TTC39B: variants seen among roughly 807,000 people sequenced by gnomAD.
TTC39B encodes tetratricopeptide repeat domain 39B.
In TTC39B, 92 loss-of-function variants were observed where a neutral mutation model predicts 96.6. The ratio of observed to expected loss-of-function variants is 0.95; its 90% CI spans 0.80 to 1.13. The LOEUF is 1.13. Among genes scored for constraint, TTC39B ranks in the 50% most tolerant of loss-of-function variants. TTC39B has a pLI of 0.00. For missense variants in TTC39B, 955 were observed against 809.3 expected (o/e 1.18, Z -2.18); for synonymous variants, 367 against 299.4 (o/e 1.23, Z -2.33).
chr9:15,250,308 G>C lies in TTC39B; in HGVS notation c.275+17606C>G, dbSNP rs148697967. ...CACTGTTTAATTATCTAGAGAAACA[G>C]GCAAGGAACATACAAATGGCCTGGA... On this transcript the variant is annotated intron_variant, in intron 2 of 19. Coordinates refer to ENST00000512701, the Ensembl canonical transcript of TTC39B. The C allele has an allele frequency of 8.7e-5, 63 of 726,820 alleles. No individual in the cohort carries two copies. In the African/African-American group the frequency reaches 1.2e-3, roughly 13 times the overall value. 45.0% of individuals were successfully genotyped at this position (726,820 alleles called of 1,614,324 possible).
chr9:15,198,478 ATATATATATC>A (rs1819320041), intron 8 of TTC39B, among the ~76,000 whole-genome samples: 3 of 148,206 alleles, frequency 2.0e-5, no homozygotes, highest in African/African-American at 7.5e-5. Flanking sequence ...ATATATATAT[ATATATATATC>A]ATAAAGGGCA....
intron 3 of TTC39B, 68 bp from the exon 4 acceptor site, chr9:15,214,317 T>G: frequency 3.7e-6 from 1 of 268,228 alleles, no homozygotes; most frequent in South Asian, 5.2e-5. Context: ...CCGAAGGGAG[T>G]GTGTGTGTGT....
chr9:15,213,815 C>G (rs1025061982), intron 4 of TTC39B, among the ~76,000 whole-genome samples: 1 of 152,076 alleles, frequency 6.6e-6, no homozygotes, highest in Admixed American at 6.6e-5. Flanking sequence ...GGAAAATTTT[C>G]TCAATAATAT....
chr9:15,233,139 C>G (rs1005447000), intron 2 of TTC39B, among the ~76,000 whole-genome samples: 14 of 152,224 alleles, frequency 9.2e-5, no homozygotes, highest in African/African-American at 3.4e-4. Flanking sequence ...AGGGTGTAGC[C>G]CTGGCGAGAA....
At chr9:15,293,939 T>C (rs914533020) in intron 1 of TTC39B, among the ~76,000 whole-genome samples, 2 of 152,170 alleles carry the variant, frequency 1.3e-5, no homozygotes, top group African/African-American at 4.8e-5. Context: ...GCACGTCACT[T>C]TCCTTTCTCT....
At chr9:15,189,695 G>A in intron 12 of TTC39B, 30 bp downstream of exon 12, 3 of 1,614,010 alleles carry the variant, frequency 1.9e-6, no homozygotes, top group Non-Finnish European at 2.5e-6. Context: ...AATTATGGTT[G>A]AAACATACAC....
chr9:15,279,882 T>TTTTTC (rs1382203995), intron 1 of TTC39B, among the ~76,000 whole-genome samples: 3 of 149,686 alleles, frequency 2.0e-5, no homozygotes, highest in Non-Finnish European at 4.4e-5. Context: ...TAAAGTACTT[T>TTTTTC]TTTTCTTTTC....
Position 15,203,866 on chromosome 9 carries a change from T to G in TTC39B, c.716A>C (p.Tyr239Ser), listed in dbSNP as rs1487349449. The G allele has an allele frequency of 8.1e-6, 13 of 1,613,340 alleles. No homozygotes were observed. Among genetic ancestry groups the G allele is most frequent in the South Asian group, 1.1e-5 (1 of 90,904 alleles). The change falls in exon 7 of 20, where the codon TAT (tyrosine) becomes TCT (serine). Residue 239 changes from tyrosine to serine, a missense_variant. Physicochemically the swap from Tyr to Ser is moderately radical, Grantham distance 144. Transcript: ENST00000512701. ...AGCTTTCTGTAGGAGACACTCGGCA[T>G]AACAGATTTCAGCATGCATTTCCTC...
chr9:15,183,230 G>T (rs1041553056), intron 16 of TTC39B: 1 of 323,584 alleles, frequency 3.1e-6, no homozygotes, highest in Non-Finnish European at 6.0e-6. Flanking sequence ...GGCAGCAAAG[G>T]TATCTTTATC....
rs2131417990 is a variant in TTC39B at position 15,229,375 on chromosome 9, G to A, written c.276-3363C>T. 1.3e-5 allele frequency among the ~76,000 whole-genome samples: 2 copies of A among 152,276 alleles called. 1 individual carries two copies. The highest frequency in any genetic ancestry group is 4.1e-4 in the South Asian group (2 of 4,826). On this transcript the variant is annotated intron_variant, in intron 2 of 19. Transcript: ENST00000512701. Reference sequence around the variant, plus strand: ...CCCAAGGAACATTTAATTCCCTAGGGAGTATATATCTTGTTTGGCTTGCTA... The same window carrying A: ...CCCAAGGAACATTTAATTCCCTAGGAAGTATATATCTTGTTTGGCTTGCTA...
chr9:15,228,079 T>A (rs745675818), intron 2 of TTC39B, among the ~76,000 whole-genome samples: 8 of 152,192 alleles, frequency 5.3e-5, no homozygotes, highest in Non-Finnish European at 1.0e-4. Context: ...AAACACATCT[T>A]TTCCCCCAAT....
At chr9:15,202,523 C>T (rs946209830) in intron 7 of TTC39B, among the ~76,000 whole-genome samples, 1 of 152,016 alleles carries the variant, frequency 6.6e-6, no homozygotes, top group African/African-American at 2.4e-5. Context: ...ACCAGCCTGA[C>T]CAATATGGTG....
intron 13 of TTC39B, 87 bp from the exon 14 acceptor site, chr9:15,188,219 C>CA: frequency 7.5e-7 from 1 of 1,333,182 alleles, no homozygotes; most frequent in Non-Finnish European, 1.0e-6. Flanking sequence ...ACACTTAGTA[C>CA]AAAAAGGACA....
chr9:15,258,689 G>C (rs1024815994), intron 2 of TTC39B, among the ~76,000 whole-genome samples: 16 of 152,158 alleles, frequency 1.1e-4, no homozygotes, highest in African/African-American at 3.9e-4. Context: ...CCTGCAGAAA[G>C]GCAACCACAG....
chr9:15,245,335 C>T (rs1004169998), intron 2 of TTC39B, among the ~76,000 whole-genome samples: 1 of 152,080 alleles, frequency 6.6e-6, no homozygotes, highest in African/African-American at 2.4e-5. Context: ...GAAAAACAAA[C>T]AAAACTGAAG....
At chr9:15,266,864 G>C (rs1039133349) in intron 2 of TTC39B, among the ~76,000 whole-genome samples, 1 of 152,150 alleles carries the variant, frequency 6.6e-6, no homozygotes, top group South Asian at 2.1e-4. Flanking sequence ...CAGATCACGA[G>C]GTCAGGAGAT....
At chr9:15,259,154 G>A (rs548974681) in intron 2 of TTC39B, among the ~76,000 whole-genome samples, 86 of 152,172 alleles carry the variant, frequency 5.7e-4, no homozygotes, top group Non-Finnish European at 1.0e-3. Context: ...TTGACTCTAT[G>A]ACACACAAAT....
chr9:15,218,505 T>C (rs1012105887), intron 3 of TTC39B, among the ~76,000 whole-genome samples: 1 of 152,128 alleles, frequency 6.6e-6, no homozygotes, highest in Non-Finnish European at 1.5e-5. Flanking sequence ...CATATTCATA[T>C]TCCTGCCCTG....
exon 20 of TTC39B, chr9:15,170,093 T>G (rs1354761029): frequency 1.3e-5 from 2 of 152,232 alleles, no homozygotes; most frequent in African/African-American, 2.4e-5. Flanking sequence ...TAATGTATTT[T>G]CCACTACTAA....
Sources: gnomAD v4.1 joint callset for allele counts (sites outside exome capture counted in the v4.1 genomes callset) on GRCh38, gnomAD v4.1.1 for gene constraint, MANE v1.5 for transcripts, NCBI Gene and HGNC (gene_info 2026-07-23, HGNC 2026-07-21) for gene names.